Variants in KCNT2 observed in about 807,000 individuals in gnomAD.
KCNT2 encodes potassium sodium-activated channel subfamily T member 2.
Under a neutral mutation model 153.8 loss-of-function variants are expected in KCNT2, and 67 were observed. The observed-to-expected ratio is 0.44, with a 90% CI of 0.36 to 0.53. The LOEUF is 0.53. Ranked by LOEUF, KCNT2 falls within the 20% of genes least tolerant of loss-of-function variation. The pLI is 0.00. For missense variants in KCNT2, 975 were observed against 1,354.8 expected (o/e 0.72, Z 4.40); for synonymous variants, 500 against 458.8 (o/e 1.09, Z -1.15).
intron 8 of KCNT2, among the ~76,000 whole-genome samples, chr1:196,462,783 T>A (rs905071456): frequency 6.6e-6 from 1 of 151,770 alleles, no homozygotes; most frequent in Non-Finnish European, 1.5e-5. Flanking sequence ...TTTAAACAAC[T>A]AATGTACATG....
At chr1:196,268,877 C>A (rs1038870932) in intron 25 of KCNT2, among the ~76,000 whole-genome samples, 1 of 152,016 alleles carries the variant, frequency 6.6e-6, no homozygotes, top group African/African-American at 2.4e-5. Flanking sequence ...ACATCCAAAC[C>A]AAATTTTGGG....
chr1:196,599,883 C>A (rs1392995425), intron 1 of KCNT2, among the ~76,000 whole-genome samples: 3 of 152,162 alleles, frequency 2.0e-5, no homozygotes, highest in Non-Finnish European at 4.4e-5. Flanking sequence ...TTTCAGGCAA[C>A]TAGGGCTTTC....
At chr1:196,279,588 A>G (rs1287819634) in intron 25 of KCNT2, among the ~76,000 whole-genome samples, 4 of 150,962 alleles carry the variant, frequency 2.6e-5, no homozygotes, top group Non-Finnish European at 4.4e-5. Context: ...ACACCTGACT[A>G]ATTTTTGTAT....
At chr1:196,267,012 A>G (rs1368040619) in intron 25 of KCNT2, among the ~76,000 whole-genome samples, 1 of 152,184 alleles carries the variant, frequency 6.6e-6, no homozygotes, top group Admixed American at 6.5e-5. Flanking sequence ...CCCGATCCCC[A>G]CAGTTACAGG....
intron 1 of KCNT2, among the ~76,000 whole-genome samples, chr1:196,549,365 C>T (rs1254491987): frequency 6.6e-6 from 1 of 151,800 alleles, no homozygotes; most frequent in Admixed American, 6.6e-5. Context: ...TAGGCCCCCC[C>T]ACACTAGAGA....
At chr1:196,371,101 C>T (rs1668489920) in intron 14 of KCNT2, among the ~76,000 whole-genome samples, 1 of 151,410 alleles carries the variant, frequency 6.6e-6, no homozygotes, top group East Asian at 1.9e-4. Flanking sequence ...AAAATGATTT[C>T]AGCTGAGCCT....
chr1:196,591,603 A>G (rs1013507108), intron 1 of KCNT2, among the ~76,000 whole-genome samples: 4 of 152,200 alleles, frequency 2.6e-5, no homozygotes, highest in African/African-American at 7.2e-5. Context: ...CAAATCTCCA[A>G]TGCTCTCATA....
chr1:196,263,464 C>T lies in KCNT2; in HGVS notation c.2911-4970G>A, dbSNP rs1055467841. On this transcript the variant is annotated intron_variant, in intron 25 of 27. Transcript: ENST00000294725. Reference sequence around the variant, plus strand: ...GAACACATGGACACAGGGAGGGGAACATCACACACTGCGCCCTGTCATAGG... The same window carrying T: ...GAACACATGGACACAGGGAGGGGAATATCACACACTGCGCCCTGTCATAGG... 2.6e-5 allele frequency among the ~76,000 whole-genome samples: 4 copies of T among 152,108 alleles called. No homozygotes were observed. The South Asian group carries it at 8.3e-4, about 32-fold the overall frequency.
Position 196,427,174 on chromosome 1 carries a change from T to C in KCNT2, c.984+931A>G, listed in dbSNP as rs141796094. Among the ~76,000 whole-genome samples, 79 of 152,094 alleles carry C rather than the reference T, an allele frequency of 5.2e-4. 1 individual carries two copies. In the East Asian group the frequency reaches 0.015, roughly 29 times the overall value. ...TAAAAAAACAAGTATGGAGTTGCTA[T>C]TAAAAATGCAAGTTAACATATGAAA... On this transcript the variant is annotated intron_variant, in intron 10 of 27. Transcript: ENST00000294725.
At position 196,531,145 on chromosome 1, in the gene KCNT2, A is replaced by G. The variant is rs531900857; in HGVS notation, c.96-38804T>C. Among the ~76,000 whole-genome samples, 301 of 152,132 alleles carry G rather than the reference A, an allele frequency of 2.0e-3. 1 individual carries two copies. The highest frequency in any genetic ancestry group is 6.6e-3 in the African/African-American group (275 of 41,546). On this transcript the variant is annotated intron_variant, in intron 1 of 27. Coordinates refer to ENST00000294725, the MANE Select transcript of KCNT2 (RefSeq NM_198503.5). The stretch of plus-strand genomic sequence containing the variant: ...AAGTCTATGGGGAGTTGCTTTTCCC[A>G]TTTCTTCAAGTGTAGGCTTTGCCAT...
chr1:196,349,005 G>C (rs900286377), intron 14 of KCNT2, among the ~76,000 whole-genome samples: 1 of 152,002 alleles, frequency 6.6e-6, no homozygotes, highest in Non-Finnish European at 1.5e-5. Flanking sequence ...TGAATAAAGG[G>C]GCATGCTGTA....
intron 25 of KCNT2, among the ~76,000 whole-genome samples, chr1:196,269,810 T>C (rs1657901128): frequency 6.6e-6 from 1 of 152,142 alleles, no homozygotes; most frequent in Non-Finnish European, 1.5e-5. Flanking sequence ...ACAAGTATGC[T>C]ACACAGGTTA....
intron 1 of KCNT2, among the ~76,000 whole-genome samples, chr1:196,566,563 T>C (rs768070383): frequency 2.6e-5 from 4 of 151,966 alleles, no homozygotes; most frequent in African/African-American, 9.7e-5. Flanking sequence ...AGGTGTGAAG[T>C]AGTAAAAGGT....
At chr1:196,434,842 C>A (rs1036487822) in intron 8 of KCNT2, among the ~76,000 whole-genome samples, 4 of 151,652 alleles carry the variant, frequency 2.6e-5, no homozygotes, top group African/African-American at 9.7e-5. Flanking sequence ...GAGACCACCA[C>A]ACTGTGAAGA....
chr1:196,520,564 C>T (rs140132543), intron 1 of KCNT2, among the ~76,000 whole-genome samples: 1 of 151,910 alleles, frequency 6.6e-6, no homozygotes, highest in East Asian at 1.9e-4. Context: ...ACTCCACAGT[C>T]TCAACCCAAA....
rs1317854630 is a variant in KCNT2, at chr1:196,370,556, G to A, written c.1403+2584C>T. On this transcript the variant is annotated intron_variant, in intron 14 of 27. Coordinates refer to ENST00000294725, the MANE Select transcript of KCNT2 (RefSeq NM_198503.5). ...TAGGATGGTTATGATAAAAAAAAGCGCGGATAATTACGAATACTGCTGATG... is the reference window on the plus strand; with the variant it reads ...TAGGATGGTTATGATAAAAAAAAGCACGGATAATTACGAATACTGCTGATG... Among the ~76,000 whole-genome samples the A allele has an allele frequency of 2.9e-5, 4 of 139,298 alleles. No individual in the cohort carries two copies. The Admixed American group carries it at 2.9e-4, about 10-fold the overall frequency. The allele number at this position is 139,298 out of a possible 152,430, so 91.4% of individuals were successfully genotyped here.
rs369803694 is a variant in KCNT2 at position 196,377,289 on chromosome 1, G to A, written c.1295-4041C>T. On this transcript the variant is annotated intron_variant, in intron 13 of 27. Coordinates refer to ENST00000294725, the MANE Select transcript of KCNT2 (RefSeq NM_198503.5). ...CCAAGCAGTGTTGGAGAGAGTGACG[G>A]TGAGCTGGGAGAGAGAGTACATTTT... is the stretch of plus-strand genomic sequence containing the variant. Among the ~76,000 whole-genome samples the A allele has an allele frequency of 5.3e-5, 8 of 151,988 alleles. No individual in the cohort carries two copies. The East Asian group carries it at 1.4e-3, about 26-fold the overall frequency.
intron 26 of KCNT2, among the ~76,000 whole-genome samples, chr1:196,254,669 A>T (rs1475273400): frequency 6.6e-6 from 1 of 151,548 alleles, no homozygotes; most frequent in Admixed American, 6.6e-5. Context: ...CATCACCACT[A>T]CTATTACTAC....
At chr1:196,491,882 A>C (rs1436279158) in intron 2 of KCNT2, among the ~76,000 whole-genome samples, 2 of 152,066 alleles carry the variant, frequency 1.3e-5, no homozygotes, top group South Asian at 4.1e-4. Flanking sequence ...TAAATCAGAC[A>C]ATTGTTTCCC....
Sources: allele counts gnomAD v4.1 joint callset (sites outside exome capture counted in the v4.1 genomes callset), GRCh38; gene constraint gnomAD v4.1.1; transcripts MANE v1.5; gene names NCBI Gene and HGNC (gene_info 2026-07-23, HGNC 2026-07-21).